The following GNG13 variants were observed in gnomAD, a reference collection of about 807,000 sequenced individuals.
GNG13 encodes the protein G protein subunit gamma 13, also known as guanine nucleotide-binding protein G(I)/G(S)/G(O) subunit gamma-13.
A neutral mutation model predicts 8.2 loss-of-function variants in GNG13; 12 were observed. That is an observed-to-expected ratio of 1.47 (90% CI 0.94 to 2.38). GNG13 has a LOEUF of 2.38. GNG13 is among the 30% of genes most tolerant of loss of function. The probability of loss-of-function intolerance (pLI) is 0.00; values close to 1 mark genes in which losing one functional copy is unlikely to be tolerated. For synonymous variants in GNG13, 45 were observed against 33.0 expected, an observed-to-expected ratio of 1.37 and a Z score of -1.25; for missense variants, 100 against 85.2, an observed-to-expected ratio of 1.17 and a Z score of -0.68.
chr16:798,848 G>T, intron 2 of GNG13, 24 bp from the exon 3 acceptor site: 1 of 1,528,674 alleles, frequency 6.5e-7, no homozygotes, highest in Non-Finnish European at 9.0e-7. Context: ...GGTGGCAGGT[G>T]AGTGGTGGCA....
At chr16:800,448 T>C (rs938125307) in intron 1 of GNG13, among the ~76,000 whole-genome samples, 1 of 152,138 alleles carries the variant, frequency 6.6e-6, no homozygotes, top group Admixed American at 6.5e-5. Flanking sequence ...CGGTGGGCAC[T>C]GCAGGCGGCG....
rs950486041 is a variant in GNG13, at chr16:798,821, C to T, written c.102G>A (p.Leu34=). The T allele has an allele frequency of 1.9e-5, 31 of 1,607,322 alleles. No homozygotes were observed. Among genetic ancestry groups the T allele is most frequent in the Non-Finnish European group, 2.5e-5 (29 of 1,175,140 alleles). The change falls in exon 3 of 3, where the codon CTG becomes CTA. Residue 34 remains leucine (L), a synonymous_variant. Transcript: ENST00000248150. ...GGATCCCGTCCTCGATCCACTTCAG[C>T]AGCCTGCGGGTGGGCGGGTGGCAGG... is the stretch of plus-strand genomic sequence containing the variant. ...REMASKTIPE[L]LKWIEDGIPK...
In GNG13 at chr16:799,062, C is replaced by G. The variant is rs988805496; in HGVS notation, c.16G>C (p.Val6Leu). The change falls in exon 2 of 3, where the codon GTG becomes CTG. Residue 6 changes from valine (V) to leucine (L), a missense_variant. Val to Leu is a conservative substitution (Grantham distance 32). Transcript: ENST00000248150. Reference sequence around the variant, plus strand: ...TCCACCTCTTTCTTCATCTGTGGCACGTCCCACTCCTCCATGGGGTCAGGG... The same window carrying G: ...TCCACCTCTTTCTTCATCTGTGGCAGGTCCCACTCCTCCATGGGGTCAGGG... MEEWD[V>L]PQMKKEVESL... The G allele has an allele frequency of 6.9e-6, 11 of 1,603,726 alleles. No homozygotes were observed. Among genetic ancestry groups the G allele is most frequent in the Non-Finnish European group, 9.4e-6 (11 of 1,171,198 alleles).
At chr16:800,643 G>C (rs574448957) in intron 1 of GNG13, 23 bp downstream of exon 1, 1 of 152,192 alleles carries the variant, frequency 6.6e-6, no homozygotes, top group Non-Finnish European at 1.5e-5. Context: ...CCCTAGCCCC[G>C]GGCGCCTGTT....
chr16:798,684 TCA>T lies in GNG13; in HGVS notation c.*33_*34del, dbSNP rs1335034969. ...GGTGGGAGTGGGGCCGGGCGTGGTC[TCA>T]CAGGATGGTGTGAGAGGGGCCGGGT... On this transcript the variant is annotated 3_prime_UTR_variant, in exon 3 of 3. Transcript: ENST00000248150. 4.6e-6 allele frequency: 6 copies of T among 1,309,582 alleles called. No individual in the cohort carries two copies. The highest frequency in any genetic ancestry group is 6.6e-6 in the Non-Finnish European group (6 of 903,340). 81.1% of individuals were successfully genotyped at this position (1,309,582 alleles called of 1,614,324 possible).
intron 1 of GNG13, among the ~76,000 whole-genome samples, chr16:799,534 C>T (rs1203199227): frequency 6.6e-6 from 1 of 152,176 alleles, no homozygotes; most frequent in Admixed American, 6.5e-5. Context: ...CGCTGTGTGC[C>T]CCTTTGCTTT....
Position 799,027 on chromosome 16 carries a change from C to G in GNG13, c.51G>C (p.Lys17Asn). 1.2e-6 allele frequency: 2 copies of G among 1,611,868 alleles called. No homozygotes were observed. The highest frequency in any genetic ancestry group is 1.7e-6 in the Non-Finnish European group (2 of 1,178,246). ...PQMKKEVESL[K>N]YQLAFQREMA... is the part of the protein sequence containing the mutation. ...TCTCCCGCTGGAAGGCCAGCTGGTA[C>G]TTGAGGCTCTCCACCTCTTTCTTCA... Residue 17 changes from lysine (K) to asparagine (N), a missense_variant, in exon 2 of 3, where the codon AAG (lysine) becomes AAC (asparagine). By Grantham distance (94) the Lys-to-Asn change is moderately conservative. Transcript: ENST00000248150.
intron 1 of GNG13, 23 bp from the exon 2 acceptor site, chr16:799,134 A>G: frequency 9.5e-7 from 1 of 1,047,454 alleles, no homozygotes; most frequent in South Asian, 1.3e-5. Flanking sequence ...GGAGGAAGCC[A>G]CAGGGCCGAG....
Position 798,752 on chromosome 16 carries a change from T to C in GNG13, c.171A>G (p.Pro57=). 6.2e-7 allele frequency: 1 copy of C among 1,612,150 alleles called. No individual in the cohort carries two copies. Among genetic ancestry groups the C allele is most frequent in the Middle Eastern group, 1.7e-4 (1 of 6,054 alleles). The change falls in exon 3 of 3, where the codon CCA becomes CCG. Residue 57 remains proline, a synonymous_variant. Coordinates refer to ENST00000248150, the MANE Select transcript of GNG13 (RefSeq NM_016541.3). ...FLNPDLMKNN[P]WVEKGKCTIL ...TGGTGCATTTGCCCTTTTCCACCCA[T>C]GGGTTGTTCTTCATCAGGTCGGGGT...
rs2891064 is a variant in GNG13 at position 798,575 on chromosome 16, A to G, written c.*144T>C. On this transcript the variant is annotated 3_prime_UTR_variant, in exon 3 of 3. Coordinates refer to ENST00000248150, the MANE Select transcript of GNG13 (RefSeq NM_016541.3). ...CAGGTTGGTGTGAGTGGGGCCGGGC[A>G]TGGGCTCACAGGATGGTGGGAGTGG... is the stretch of plus-strand genomic sequence containing the variant. The G allele has an allele frequency of 0.31, 202,099 of 657,444 alleles. 34,386 individuals are homozygous for G. The highest frequency in any genetic ancestry group is 0.54 in the South Asian group (36,129 of 67,062). 40.7% of individuals were successfully genotyped at this position (657,444 alleles called of 1,614,324 possible). A position where few individuals can be genotyped will look rare whatever the true frequency, so the allele number is the denominator to read the frequency against.
intron 2 of GNG13, 60 bp from the exon 3 acceptor site, chr16:798,884 C>T (rs555789835): frequency 6.4e-5 from 87 of 1,364,202 alleles, no homozygotes; most frequent in East Asian, 1.1e-4. Context: ...CCTCCTGCTG[C>T]ACCTGCCTGT....
At chr16:800,228 C>T (rs78977384) in intron 1 of GNG13, among the ~76,000 whole-genome samples, 7,407 of 152,210 alleles carry the variant, frequency 0.049, 471 homozygotes, top group African/African-American at 0.15. Flanking sequence ...CACCCCTACC[C>T]GCCCCCATCC....
Position 799,054 on chromosome 16 carries a change from C to T in GNG13, c.24G>A (p.Gln8=), listed in dbSNP as rs745454882. The T allele has an allele frequency of 3.1e-6, 5 of 1,609,324 alleles. No homozygotes were observed. Among genetic ancestry groups the T allele is most frequent in the Non-Finnish European group, 4.3e-6 (5 of 1,176,046 alleles). Reference sequence around the variant, plus strand: ...TGAGGCTCTCCACCTCTTTCTTCATCTGTGGCACGTCCCACTCCTCCATGG... The same window carrying T: ...TGAGGCTCTCCACCTCTTTCTTCATTTGTGGCACGTCCCACTCCTCCATGG... The part of the protein sequence containing the change: MEEWDVP[Q]MKKEVESLKY... The change falls in exon 2 of 3, where the codon CAG becomes CAA. Residue 8 remains glutamine (Q), a synonymous_variant. Coordinates refer to ENST00000248150, the MANE Select transcript of GNG13 (RefSeq NM_016541.3).
Position 799,003 on chromosome 16 carries a change from C to T in GNG13, c.75G>A (p.Glu25=), listed in dbSNP as rs970324857. 4.4e-6 allele frequency: 7 copies of T among 1,607,168 alleles called. No homozygotes were observed. Among genetic ancestry groups the T allele is most frequent in the African/African-American group, 1.3e-5 (1 of 74,904 alleles). ...ACTCGGGGATGGTCTTGGACGCCATCTCCCGCTGGAAGGCCAGCTGGTACT... is the reference window on the plus strand; with the variant it reads ...ACTCGGGGATGGTCTTGGACGCCATTTCCCGCTGGAAGGCCAGCTGGTACT... ...SLKYQLAFQR[E]MASKTIPELL... is the part of the protein sequence containing the mutation. The change falls in exon 2 of 3, where the codon GAG becomes GAA. Residue 25 remains glutamate (E), a synonymous_variant. Coordinates refer to ENST00000248150, the MANE Select transcript of GNG13 (RefSeq NM_016541.3).
rs1482063629 is a variant in GNG13 at position 800,136 on chromosome 16, C to T, written c.-35+530G>A. On this transcript the variant is annotated intron_variant, in intron 1 of 2. Transcript: ENST00000248150. ...GTCTGCCCGTAGTGGGGTGGGAGGC[C>T]GGGGAGCGAGCGGGGGCAGGTTTCT... Among the ~76,000 whole-genome samples the T allele has an allele frequency of 5.9e-5, 9 of 152,096 alleles. No individual in the cohort carries two copies. The South Asian group carries it at 8.3e-4, about 14-fold the overall frequency.
rs114260358 is a variant in GNG13, at chr16:798,674, G to A, written c.*45C>T. On this transcript the variant is annotated 3_prime_UTR_variant, in exon 3 of 3. Coordinates refer to ENST00000248150, the MANE Select transcript of GNG13 (RefSeq NM_016541.3). Reference sequence around the variant, plus strand: ...CTTACAAGATGGTGGGAGTGGGGCCGGGCGTGGTCTCACAGGATGGTGTGA... The same window carrying A: ...CTTACAAGATGGTGGGAGTGGGGCCAGGCGTGGTCTCACAGGATGGTGTGA... 1.2e-4 allele frequency: 141 copies of A among 1,152,028 alleles called. No homozygotes were observed. Among genetic ancestry groups the A allele is most frequent in the African/African-American group, 1.1e-3 (72 of 65,990 alleles). The allele number at this position is 1,152,028 out of a possible 1,614,324, so 71.4% of individuals were successfully genotyped here.
Position 798,700 on chromosome 16 carries a change from G to T in GNG13, c.*19C>A. ...GGCGTGGTCTCACAGGATGGTGTGA[G>T]AGGGGCCGGGTGCGGGGCTCACAGG... On this transcript the variant is annotated 3_prime_UTR_variant, in exon 3 of 3. Transcript: ENST00000248150. 6.9e-7 allele frequency: 1 copy of T among 1,457,834 alleles called. No homozygotes were observed. Among genetic ancestry groups the T allele is most frequent in the Non-Finnish European group, 9.5e-7 (1 of 1,047,778 alleles). 90.3% of individuals were successfully genotyped at this position (1,457,834 alleles called of 1,614,324 possible).
rs934255005 is a variant in GNG13 at position 798,101 on chromosome 16, A to G, written c.*618T>C. On this transcript the variant is annotated 3_prime_UTR_variant, in exon 3 of 3. Coordinates refer to ENST00000248150, the MANE Select transcript of GNG13 (RefSeq NM_016541.3). ...CACGTGCGAGTGGAGTGGGGTTCACAGGATGGTGGGAGTGGGGCCGGGCGT... is the reference window on the plus strand; with the variant it reads ...CACGTGCGAGTGGAGTGGGGTTCACGGGATGGTGGGAGTGGGGCCGGGCGT... The G allele has an allele frequency of 4.5e-6, 6 of 1,333,090 alleles. No homozygotes were observed. Among genetic ancestry groups the G allele is most frequent in the East Asian group, 2.4e-5 (1 of 41,834 alleles). The allele number at this position is 1,333,090 out of a possible 1,614,324, so 82.6% of individuals were successfully genotyped here. A position where few individuals can be genotyped will look rare whatever the true frequency, so the allele number is the denominator to read the frequency against.
chr16:800,188 G>T (rs550211773), intron 1 of GNG13, among the ~76,000 whole-genome samples: 11 of 152,150 alleles, frequency 7.2e-5, no homozygotes, highest in Admixed American at 7.2e-4. Flanking sequence ...TCATGCAGAG[G>T]ATTCCCTCCC....
Sources: gnomAD v4.1 joint callset for allele counts (sites outside exome capture counted in the v4.1 genomes callset) on GRCh38, gnomAD v4.1.1 for gene constraint, MANE v1.5 for transcripts, NCBI Gene and HGNC (gene_info 2026-07-23, HGNC 2026-07-21) for gene names.